YTHDF2: variants seen among roughly 807,000 people sequenced by gnomAD.
YTHDF2 encodes YTH domain-containing family protein 2.
YTHDF2 carries 2 observed loss-of-function variants against 50.4 expected under a neutral mutation model. The observed-to-expected ratio is 0.04, with a 90% confidence interval of 0.02 to 0.12. YTHDF2 has a LOEUF of 0.12. Among genes scored for constraint, YTHDF2 ranks in the 10% least tolerant of loss-of-function variants. The pLI, the probability that YTHDF2 is intolerant of heterozygous loss-of-function variation, is 1.00. For synonymous variants in YTHDF2, 217 were observed against 255.6 expected (o/e 0.85, Z 1.44); for missense variants, 483 against 722.6 (o/e 0.67, Z 3.80).
intron 2 of YTHDF2, among the ~76,000 whole-genome samples, 156 bp from the exon 3 acceptor site, chr1:28,738,103 T>C (rs2087722879): frequency 6.6e-6 from 1 of 152,222 alleles, no homozygotes; most frequent in Non-Finnish European, 1.5e-5. Flanking sequence ...CTGGCGACTG[T>C]CGCTTCAGCA....
intron 4 of YTHDF2, among the ~76,000 whole-genome samples, chr1:28,749,986 G>GTTT (rs371730633): frequency 0.025 from 1,979 of 78,104 alleles, 111 homozygotes; most frequent in African/African-American, 0.038. Flanking sequence ...AAAAAAGGTT[G>GTTT]TTTTTTTTTT....
chr1:28,751,871 G>A (rs1170612603), intron 4 of YTHDF2, among the ~76,000 whole-genome samples: 1 of 152,186 alleles, frequency 6.6e-6, no homozygotes, highest in Non-Finnish European at 1.5e-5. Flanking sequence ...AAGAATTCAT[G>A]GAGGCAATAA....
intron 3 of YTHDF2, chr1:28,738,962 T>C (rs979327974): frequency 1.3e-5 from 2 of 152,250 alleles, no homozygotes; most frequent in African/African-American, 2.4e-5. Context: ...CATGAATAAT[T>C]GTCTTCTTCC....
rs2088244879 is a variant in YTHDF2, at chr1:28,768,045, A to AC, written c.1717-884_1717-883insC. ...GTGAAACCCCGTCTCTACTAAAAAT[A>AC]GAAAAAATTAGCCAGGCATGGTGGC... On this transcript the variant is annotated intron_variant, in intron 4 of 4. Transcript: ENST00000373812. Among the ~76,000 whole-genome samples, 4 of 151,718 alleles carry AC rather than the reference A, an allele frequency of 2.6e-5. No individual in the cohort carries two copies. In the South Asian group the frequency reaches 8.3e-4, roughly 32 times the overall value.
intron 4 of YTHDF2, among the ~76,000 whole-genome samples, chr1:28,752,086 C>A (rs942425185): frequency 6.6e-6 from 1 of 152,212 alleles, no homozygotes. Flanking sequence ...ACAGAAGTCT[C>A]TCCAGCGATG....
Position 28,768,963 on chromosome 1 carries a change from T to C in YTHDF2, c.*11T>C. ...GGTCGTGGGAAATAAAAGGCAGTTCTACACAGACTGCAGCAACGGTTGCAT... is the reference window on the plus strand; with the variant it reads ...GGTCGTGGGAAATAAAAGGCAGTTCCACACAGACTGCAGCAACGGTTGCAT... On this transcript the variant is annotated 3_prime_UTR_variant, in exon 5 of 5. Coordinates refer to ENST00000373812, the MANE Select transcript of YTHDF2 (RefSeq NM_016258.3). 6.3e-7 allele frequency: 1 copy of C among 1,584,306 alleles called. No homozygotes were observed. Among genetic ancestry groups the C allele is most frequent in the Non-Finnish European group, 8.6e-7 (1 of 1,164,136 alleles).
Position 28,737,126 on chromosome 1 carries a change from G to A in YTHDF2, c.6G>A (p.Ser2=), listed in dbSNP as rs1422722704. Residue 2 remains serine (S), a synonymous_variant, in exon 1 of 5, where the codon TCG becomes TCA. Coordinates refer to ENST00000373812, the MANE Select transcript of YTHDF2 (RefSeq NM_016258.3). M[S]ASSLLEQRPK... ...CCCGTGAGGATCTGAGAGCCATGTC[G>A]GCCAGCAGCCTCTTGGAGCAGGTAC... 7 of 1,599,804 alleles carry A rather than the reference G, an allele frequency of 4.4e-6. No individual in the cohort carries two copies. The Admixed American group carries it at 1.2e-4, about 27-fold the overall frequency.
chr1:28,759,107 A>G (rs1436791138), intron 4 of YTHDF2, among the ~76,000 whole-genome samples: 1 of 152,130 alleles, frequency 6.6e-6, no homozygotes, highest in African/African-American at 2.4e-5. Context: ...TCCCTTACCT[A>G]CTGAATGAGC....
chr1:28,756,410 C>T (rs1237285341), intron 4 of YTHDF2, among the ~76,000 whole-genome samples: 1 of 152,178 alleles, frequency 6.6e-6, no homozygotes, highest in East Asian at 1.9e-4. Flanking sequence ...AGCCATTCTG[C>T]TTACCTACCA....
chr1:28,737,765 C>A, intron 2 of YTHDF2, 83 bp downstream of exon 2: 1 of 1,550,604 alleles, frequency 6.4e-7, no homozygotes, highest in Admixed American at 1.8e-5. Context: ...GCGCCCCGGG[C>A]GGAGGACCTT....
Position 28,742,729 on chromosome 1 carries a change from T to C in YTHDF2, c.459T>C (p.Tyr153=), listed in dbSNP as rs746039159. 2.5e-5 allele frequency: 41 copies of C among 1,614,210 alleles called. 1 individual carries two copies. In the Admixed American group the frequency reaches 3.5e-4, roughly 14 times the overall value. The change falls in exon 4 of 5, where the codon TAT becomes TAC. Residue 153 remains tyrosine (Y), a synonymous_variant. Coordinates refer to ENST00000373812, the MANE Select transcript of YTHDF2 (RefSeq NM_016258.3). ...AGAGCTCTGGATATAGTAGCAATTA[T>C]GCTTATGCACCTAGCTCCTTAGGTG... is the stretch of plus-strand genomic sequence containing the variant. The part of the protein sequence containing the change: ...STQSSGYSSN[Y]AYAPSSLGGA...
chr1:28,744,119 A>T, intron 4 of YTHDF2, 133 bp downstream of exon 4: 1 of 1,009,600 alleles, frequency 9.9e-7, no homozygotes, highest in Non-Finnish European at 1.4e-6. Context: ...AAGGCTTTAT[A>T]GAAGTATAAT....
Position 28,754,526 on chromosome 1 carries a change from T to G in YTHDF2, c.1716+10540T>G, listed in dbSNP as rs2088007667. ...GCCTGGGCGAAAGAGCGAGACTGTG[T>G]CTCAAAAAAAAAATTGGCCGGGCGC... On this transcript the variant is annotated intron_variant, in intron 4 of 4. Coordinates refer to ENST00000373812, the MANE Select transcript of YTHDF2 (RefSeq NM_016258.3). Among the ~76,000 whole-genome samples, 3 of 134,666 alleles carry G rather than the reference T, an allele frequency of 2.2e-5. No individual in the cohort carries two copies. In the South Asian group the frequency reaches 7.0e-4, roughly 31 times the overall value. 88.3% of individuals were successfully genotyped at this position (134,666 alleles called of 152,430 possible).
intron 4 of YTHDF2, among the ~76,000 whole-genome samples, chr1:28,745,100 A>G (rs1026729484): frequency 3.9e-5 from 6 of 152,186 alleles, no homozygotes; most frequent in Non-Finnish European, 8.8e-5. Flanking sequence ...CTAACAAGCA[A>G]TGTTTTCCTT....
At position 28,742,773 on chromosome 1, in the gene YTHDF2, A is replaced by G; in HGVS notation, c.503A>G (p.Gln168Arg). 2 of 1,614,194 alleles carry G rather than the reference A, an allele frequency of 1.2e-6. No homozygotes were observed. The highest frequency in any genetic ancestry group is 8.5e-7 in the Non-Finnish European group (1 of 1,180,036). ...TTAGGTGGAGCCATGATTGATGGAC[A>G]GTCAGCTTTTGCCAATGAGACCCTC... Reference protein sequence around the residue: ...SSLGGAMIDGQSAFANETLNK... With the variant: ...SSLGGAMIDGRSAFANETLNK... The change falls in exon 4 of 5, where the codon CAG becomes CGG. Residue 168 changes from glutamine to arginine, a missense_variant. Coordinates refer to ENST00000373812, the MANE Select transcript of YTHDF2 (RefSeq NM_016258.3).
intron 4 of YTHDF2, among the ~76,000 whole-genome samples, chr1:28,767,467 A>C (rs574196374): frequency 6.6e-6 from 1 of 152,078 alleles, no homozygotes; most frequent in South Asian, 2.1e-4. Context: ...ACATTAAGAG[A>C]TAATAGGTGG....
intron 1 of YTHDF2, chr1:28,737,378 C>T (rs1213862709): frequency 9.6e-6 from 6 of 625,986 alleles, no homozygotes; most frequent in East Asian, 3.3e-5. Context: ...GTTCCCTTCT[C>T]TCGGCGGGCC....
intron 4 of YTHDF2, among the ~76,000 whole-genome samples, chr1:28,756,907 G>T (rs1328527858): frequency 6.6e-6 from 1 of 152,158 alleles, no homozygotes; most frequent in African/African-American, 2.4e-5. Context: ...TAGGGCAAAC[G>T]TTCTCTTCCT....
intron 4 of YTHDF2, among the ~76,000 whole-genome samples, chr1:28,761,154 A>ATTTTTTTTTTT (rs1189968900): frequency 3.8e-5 from 1 of 26,446 alleles, no homozygotes; most frequent in Admixed American, 4.0e-4. Flanking sequence ...TTTTTTTTTG[A>ATTTTTTTTTTT]GAGAAGGCCT....
Sources: allele counts gnomAD v4.1 joint callset (sites outside exome capture counted in the v4.1 genomes callset), GRCh38; gene constraint gnomAD v4.1.1; transcripts MANE v1.5; gene names NCBI Gene and HGNC (gene_info 2026-07-23, HGNC 2026-07-21).